Variants in AGBL1 observed in about 807,000 individuals in gnomAD.
The protein encoded by AGBL1 is cytosolic carboxypeptidase 4.
AGBL1 carries 130 observed loss-of-function variants against 118.9 expected under a neutral mutation model. The ratio of observed to expected loss-of-function variants is 1.09; its 90% CI spans 0.95 to 1.26. The LOEUF (loss-of-function observed/expected upper bound fraction) is 1.26, where lower values mean the gene tolerates loss of function less well. Among genes scored for constraint, AGBL1 ranks in the 50% most tolerant of loss-of-function variants. AGBL1 has a pLI of 0.00. For missense variants in AGBL1, 1,584 were observed against 1,298.1 expected, an observed-to-expected ratio of 1.22 and a Z score of -3.38; for synonymous variants, 555 against 478.9, an observed-to-expected ratio of 1.16 and a Z score of -2.08.
In AGBL1 at chr15:86,358,119, T is replaced by C. The variant is rs544637535; in HGVS notation, c.2375-39247T>C. Reference sequence around the variant, plus strand: ...TAACTATGGTCAGCATGCTGTACAGTGGGTATTCAGAATTTATTCATCTCT... The same window carrying C: ...TAACTATGGTCAGCATGCTGTACAGCGGGTATTCAGAATTTATTCATCTCT... On this transcript the variant is annotated intron_variant, in intron 17 of 22. Coordinates refer to ENST00000614907, the MANE Select transcript of AGBL1 (RefSeq NM_001386094.1). Among the ~76,000 whole-genome samples the C allele has an allele frequency of 1.6e-4, 25 of 152,196 alleles. 1 individual carries two copies. Among genetic ancestry groups the C allele is most frequent in the African/African-American group, 5.5e-4 (23 of 41,554 alleles).
At chr15:86,699,644 G>A (rs1045245084) in intron 22 of AGBL1, among the ~76,000 whole-genome samples, 2 of 151,844 alleles carry the variant, frequency 1.3e-5, no homozygotes, top group African/African-American at 2.4e-5. Context: ...ATTAAATTTA[G>A]CTTATCCACT....
intron 24 of AGBL1, among the ~76,000 whole-genome samples, chr15:86,997,890 G>GACACACAC (rs3030280): frequency 6.9e-6 from 1 of 145,830 alleles, no homozygotes; most frequent in African/African-American, 2.5e-5. Context: ...ACATGTGGAA[G>GACACACAC]ACACACACAC....
intron 22 of AGBL1, among the ~76,000 whole-genome samples, chr15:86,800,914 T>C (rs937046077): frequency 2.0e-4 from 31 of 152,138 alleles, no homozygotes; most frequent in African/African-American, 7.5e-4. Flanking sequence ...AGTTAGGTTA[T>C]AGAGAAGGTG....
chr15:86,664,898 A>G (rs982775173), intron 21 of AGBL1, among the ~76,000 whole-genome samples: 5 of 152,122 alleles, frequency 3.3e-5, no homozygotes, highest in Non-Finnish European at 7.4e-5. Context: ...GCTTACATGC[A>G]TTGCTGAAGG....
intron 23 of AGBL1, among the ~76,000 whole-genome samples, chr15:86,973,839 C>T (rs1348139561): frequency 6.8e-6 from 1 of 147,532 alleles, no homozygotes; most frequent in East Asian, 2.0e-4. Context: ...ATCTGCGTAC[C>T]CCCAGTGTTC....
intron 1 of AGBL1, among the ~76,000 whole-genome samples, chr15:86,113,211 CTTTTTCTTTT>C (rs1314642540): frequency 1.1e-5 from 1 of 94,362 alleles, no homozygotes; most frequent in African/African-American, 3.5e-5. Flanking sequence ...TTTTCTTTTT[CTTTTTCTTTT>C]CTTTTCTTTT....
chr15:86,346,263 C>T lies in AGBL1; in HGVS notation c.2374+50855C>T, dbSNP rs183796636. On this transcript the variant is annotated intron_variant, in intron 17 of 22. Coordinates refer to ENST00000614907, the MANE Select transcript of AGBL1 (RefSeq NM_001386094.1). ...CCCAAAGTGCTGGGATTATAAGGCA[C>T]GAGCCACTGTGCCCAGCCCATAGCT... 1.2e-4 allele frequency among the ~76,000 whole-genome samples: 18 copies of T among 151,036 alleles called. No individual in the cohort carries two copies. The East Asian group carries it at 1.8e-3, about 15-fold the overall frequency.
At chr15:86,982,181 TA>T (rs1046092682) in intron 23 of AGBL1, among the ~76,000 whole-genome samples, 2 of 152,186 alleles carry the variant, frequency 1.3e-5, no homozygotes, top group African/African-American at 4.8e-5. Context: ...AGAACTTCTT[TA>T]TATTTAATCA....
At chr15:86,527,701 A>G (rs1158379663) in intron 19 of AGBL1, among the ~76,000 whole-genome samples, 1 of 152,194 alleles carries the variant, frequency 6.6e-6, no homozygotes, top group African/African-American at 2.4e-5. Flanking sequence ...GTGGCTAGGA[A>G]GATCCACCGG....
chr15:86,879,371 T>G (rs1477505679), intron 22 of AGBL1, among the ~76,000 whole-genome samples: 1 of 152,148 alleles, frequency 6.6e-6, no homozygotes, highest in Non-Finnish European at 1.5e-5. Flanking sequence ...CACATGGTCT[T>G]TTTTTGGGAA....
At chr15:86,206,025 G>A (rs577866549) in intron 5 of AGBL1, among the ~76,000 whole-genome samples, 16 of 152,224 alleles carry the variant, frequency 1.1e-4, no homozygotes, top group African/African-American at 3.4e-4. Context: ...CCTGCCCTGT[G>A]TCCAAGTGTT....
At chr15:86,804,932 G>GA in intron 22 of AGBL1, among the ~76,000 whole-genome samples, 1 of 152,268 alleles carries the variant, frequency 6.6e-6, no homozygotes, top group African/African-American at 2.4e-5. Context: ...GCTAAGGTAG[G>GA]AAAAGTTTAG....
At chr15:86,096,276 T>C (rs1896375425) in intron 1 of AGBL1, among the ~76,000 whole-genome samples, 1 of 152,172 alleles carries the variant, frequency 6.6e-6, no homozygotes, top group African/African-American at 2.4e-5. Flanking sequence ...TCAGGTCTGC[T>C]TTCTGTTTTC....
chr15:86,680,565 C>CTTTTTTTTTTT (rs34873609), intron 22 of AGBL1, among the ~76,000 whole-genome samples: 139 of 94,682 alleles, frequency 1.5e-3, no homozygotes, highest in Non-Finnish European at 1.8e-3. Flanking sequence ...TCTTTCTTTT[C>CTTTTTTTTTTT]TTTTTTTTTT....
chr15:86,300,444 T>C (rs1293598444), intron 17 of AGBL1, among the ~76,000 whole-genome samples: 1 of 152,160 alleles, frequency 6.6e-6, no homozygotes, highest in Non-Finnish European at 1.5e-5. Context: ...AGGAATGAAT[T>C]TGTGGGAATT....
At chr15:86,502,298 A>T (rs1049309827) in intron 18 of AGBL1, among the ~76,000 whole-genome samples, 1 of 151,548 alleles carries the variant, frequency 6.6e-6, no homozygotes, top group Non-Finnish European at 1.5e-5. Flanking sequence ...AATTCTGGAA[A>T]CTTGCTGAAC....
intron 24 of AGBL1, among the ~76,000 whole-genome samples, chr15:87,004,366 G>C (rs577745310): frequency 6.6e-6 from 1 of 152,120 alleles, no homozygotes; most frequent in African/African-American, 2.4e-5. Context: ...ATGAATCTGC[G>C]TTCTCCTGTA....
chr15:86,720,697 A>T (rs1431666147), intron 22 of AGBL1, among the ~76,000 whole-genome samples: 2 of 152,174 alleles, frequency 1.3e-5, no homozygotes, highest in Admixed American at 1.3e-4. Context: ...GAGTATACCG[A>T]TGGGCCATGG....
intron 21 of AGBL1, among the ~76,000 whole-genome samples, chr15:86,567,677 G>T (rs2083936018): frequency 6.6e-6 from 1 of 152,152 alleles, no homozygotes; most frequent in Admixed American, 6.5e-5. Context: ...AATGGGGGAG[G>T]AGGTGTCTTT....
Sources: gnomAD v4.1 joint callset for allele counts (sites outside exome capture counted in the v4.1 genomes callset) on GRCh38, gnomAD v4.1.1 for gene constraint, MANE v1.5 for transcripts, NCBI Gene and HGNC (gene_info 2026-07-23, HGNC 2026-07-21) for gene names.